The following MYB variants were observed in gnomAD, a reference collection of about 807,000 sequenced individuals.
MYB encodes transcriptional activator Myb.
A neutral mutation model predicts 92.9 loss-of-function variants in MYB; 28 were observed. That is an observed-to-expected ratio of 0.30 (90% CI 0.22 to 0.41). The LOEUF (loss-of-function observed/expected upper bound fraction) is 0.41, where lower values mean the gene tolerates loss of function less well. MYB is among the 10% of genes least tolerant of loss of function. The probability of loss-of-function intolerance (pLI) is 1.00; values close to 1 mark genes in which losing one functional copy is unlikely to be tolerated. For synonymous variants in MYB, 295 were observed against 329.1 expected (o/e 0.90, Z 1.12); for missense variants, 679 against 929.3 (o/e 0.73, Z 3.50).
At chr6:135,211,875 T>C (rs1339799290) in intron 15 of MYB, among the ~76,000 whole-genome samples, 1 of 152,232 alleles carries the variant, frequency 6.6e-6, no homozygotes, top group Non-Finnish European at 1.5e-5. Context: ...AGTCATTTAA[T>C]TGATTTGTGC....
chr6:135,195,719 T>G lies in MYB; in HGVS notation c.949-29T>G, dbSNP rs200484291. ...CTTCTCCCTTTCTTCTGTCCTCTCT[T>G]TATTTCTACACCCTTCCCCCTTCCT... On this transcript the variant is annotated intron_variant, in intron 8 of 15. Coordinates refer to ENST00000341911, the MANE Select transcript of MYB (RefSeq NM_001130173.2). 2.2e-5 allele frequency: 36 copies of G among 1,609,986 alleles called. No individual in the cohort carries two copies. In the East Asian group the frequency reaches 5.1e-4, roughly 23 times the overall value.
chr6:135,213,930 G>A (rs1248357601), intron 15 of MYB, among the ~76,000 whole-genome samples: 3 of 152,048 alleles, frequency 2.0e-5, no homozygotes, highest in Non-Finnish European at 4.4e-5. Context: ...CATAGTAATA[G>A]CAAGCATAAG....
intron 15 of MYB, among the ~76,000 whole-genome samples, chr6:135,205,466 C>A (rs1391512884): frequency 1.3e-5 from 2 of 152,134 alleles, no homozygotes; most frequent in African/African-American, 4.8e-5. Context: ...TAAGTTGAAA[C>A]CCATAGTTCA....
intron 15 of MYB, among the ~76,000 whole-genome samples, chr6:135,217,429 A>G (rs1330990006): frequency 6.6e-6 from 1 of 152,216 alleles, no homozygotes; most frequent in Non-Finnish European, 1.5e-5. Flanking sequence ...AATTGATGAA[A>G]ACATATATAT....
intron 15 of MYB, among the ~76,000 whole-genome samples, chr6:135,207,634 G>A (rs1779118271): frequency 6.6e-6 from 1 of 151,740 alleles, no homozygotes; most frequent in African/African-American, 2.4e-5. Context: ...GAAGCTATGT[G>A]TTTGACATTT....
chr6:135,181,535 A>G lies in MYB; in HGVS notation c.22A>G (p.Ser8Gly). ...CGCCATGGCCCGAAGACCCCGGCAC[A>G]GGTAACGGGGAGCCGGGCGGGCGGC... MARRPRHSIYSSDEDDED... is the reference protein window; with the variant it reads MARRPRHGIYSSDEDDED... The change falls in exon 1 of 16, where the codon AGC becomes GGC. Residue 8 changes from serine to glycine, a missense_variant and splice_region_variant. This residue lies in a region of MYB where 88 missense variants were observed against 145.6 expected (regional missense o/e 0.60). Transcript: ENST00000341911. The surrounding 1 kb of genome is among the most constrained non-coding windows in gnomAD (Gnocchi z 5.3). The G allele has an allele frequency of 8.6e-7, 1 of 1,164,912 alleles. No homozygotes were observed. The highest frequency in any genetic ancestry group is 1.1e-6 in the Non-Finnish European group (1 of 945,064). The allele number at this position is 1,164,912 out of a possible 1,614,324, so 72.2% of individuals were successfully genotyped here. A position where few individuals can be genotyped will look rare whatever the true frequency, so the allele number is the denominator to read the frequency against.
At position 135,195,853 on chromosome 6, in the gene MYB, C is replaced by A; in HGVS notation, c.1054C>A (p.His352Asn). 9.3e-6 allele frequency: 15 copies of A among 1,614,130 alleles called. No homozygotes were observed. Among genetic ancestry groups the A allele is most frequent in the Non-Finnish European group, 1.3e-5 (15 of 1,180,022 alleles). ...ACCTGTTTCCTGTTTGGGAGAACAC[C>A]ACTCCACTCCATCTCTGCCAGCGGA... ...SAPVSCLGEH[H>N]STPSLPADPG... The change falls in exon 9 of 16, where the codon CAC becomes AAC. Residue 352 changes from histidine to asparagine, a missense_variant. This residue lies in a region of MYB where 56 missense variants were observed against 55.8 expected (regional missense o/e 1.00). Coordinates refer to ENST00000341911, the MANE Select transcript of MYB (RefSeq NM_001130173.2).
At position 135,201,701 on chromosome 6, in the gene MYB, T is replaced by A. The variant is rs750000035; in HGVS notation, c.2013T>A (p.Ser671Arg). 1 of 1,583,160 alleles carries A rather than the reference T, an allele frequency of 6.3e-7. No homozygotes were observed. Among genetic ancestry groups the A allele is most frequent in the African/African-American group, 1.4e-5 (1 of 73,660 alleles). The change falls in exon 14 of 16, where the codon AGT (serine) becomes AGA (arginine). Residue 671 changes from serine to arginine, a missense_variant. Ser to Arg is a moderately radical substitution (Grantham distance 110). Transcript: ENST00000341911. The stretch of plus-strand genomic sequence containing the variant: ...GCTCACACCACTGGGAAGGGGACAG[T>A]CTGAATACCCAACTGTTCACGCAGA... Reference protein sequence around the residue: ...FFCSHHWEGDSLNTQLFTQTS... With the variant: ...FFCSHHWEGDRLNTQLFTQTS...
chr6:135,183,164 G>T (rs1775380321), intron 1 of MYB, among the ~76,000 whole-genome samples: 1 of 151,952 alleles, frequency 6.6e-6, no homozygotes, highest in Non-Finnish European at 1.5e-5. Flanking sequence ...GCTCCAGGTA[G>T]CCCAGAGGGG....
chr6:135,184,025 G>A (rs1775552594), intron 1 of MYB, among the ~76,000 whole-genome samples: 1 of 152,174 alleles, frequency 6.6e-6, no homozygotes, highest in Admixed American at 6.5e-5. Context: ...CTCACCTGAC[G>A]TTGGCTGCCC....
intron 13 of MYB, among the ~76,000 whole-genome samples, 182 bp from the exon 14 acceptor site, chr6:135,201,455 ATT>A (rs1778078335): frequency 1.3e-5 from 2 of 152,252 alleles, no homozygotes; most frequent in African/African-American, 4.8e-5. Context: ...AGCTAGTCAC[ATT>A]TCAAATTTGC....
chr6:135,194,469 GTCA>G lies in MYB; in HGVS notation c.948+14_948+16del. On this transcript the variant is annotated intron_variant, in intron 8 of 15. Coordinates refer to ENST00000341911, the MANE Select transcript of MYB (RefSeq NM_001130173.2). ...GACAGCAGGTGCTACCAGTAAGACTGTCATCATGTGCTTGAATGAGGGGATAGC... is the reference window on the plus strand; with the variant it reads ...GACAGCAGGTGCTACCAGTAAGACTGTCATGTGCTTGAATGAGGGGATAGC... 6.3e-7 allele frequency: 1 copy of G among 1,591,424 alleles called. No individual in the cohort carries two copies. The highest frequency in any genetic ancestry group is 1.7e-5 in the Admixed American group (1 of 59,110).
chr6:135,206,601 CAGG>C (rs1778976418), intron 15 of MYB, among the ~76,000 whole-genome samples: 1 of 152,124 alleles, frequency 6.6e-6, no homozygotes, highest in Non-Finnish European at 1.5e-5. Flanking sequence ...GAGGCTGCGG[CAGG>C]AGAATTGCTT....
At chr6:135,184,422 C>G in intron 1 of MYB, among the ~76,000 whole-genome samples, 1 of 139,438 alleles carries the variant, frequency 7.2e-6, no homozygotes, top group East Asian at 2.3e-4. Context: ...ACAGTGGAAA[C>G]AGAACTAGGC....
chr6:135,196,076 A>G lies in MYB; in HGVS notation c.1203+74A>G, dbSNP rs180882886. ...AAAACCCATTTCTTAAATCATTGCC[A>G]TTTTCTATAGCCAAGCTGTTATTAG... On this transcript the variant is annotated intron_variant, in intron 9 of 15. Transcript: ENST00000341911. 2.7e-5 allele frequency: 40 copies of G among 1,464,848 alleles called. No homozygotes were observed. In the East Asian group the frequency reaches 8.5e-4, roughly 31 times the overall value. The allele number at this position is 1,464,848 out of a possible 1,614,324, so 90.7% of individuals were successfully genotyped here. A position where few individuals can be genotyped will look rare whatever the true frequency, so the allele number is the denominator to read the frequency against.
intron 15 of MYB, among the ~76,000 whole-genome samples, chr6:135,206,888 T>G (rs1053453396): frequency 6.6e-6 from 1 of 152,230 alleles, no homozygotes; most frequent in Non-Finnish European, 1.5e-5. Context: ...CACAGAAATA[T>G]GTGATTTCTA....
In MYB at chr6:135,203,813, T is replaced by C; in HGVS notation, c.2169+489T>C. 2.3e-6 allele frequency: 3 copies of C among 1,283,222 alleles called. No homozygotes were observed. The South Asian group carries it at 3.9e-5, about 17-fold the overall frequency. 79.5% of individuals were successfully genotyped at this position (1,283,222 alleles called of 1,614,324 possible). On this transcript the variant is annotated intron_variant, in intron 15 of 15. Coordinates refer to ENST00000341911, the MANE Select transcript of MYB (RefSeq NM_001130173.2). ...GTATTTGACTGTCAGAATAAGAAAGTCAACTGTCAATGTTGTGAGGCCGAT... is the reference window on the plus strand; with the variant it reads ...GTATTTGACTGTCAGAATAAGAAAGCCAACTGTCAATGTTGTGAGGCCGAT...
In MYB at chr6:135,187,852, C is replaced by A; in HGVS notation, c.160C>A (p.Leu54Met). The change falls in exon 3 of 16, where the codon CTG becomes ATG. Residue 54 changes from leucine to methionine, a missense_variant. Transcript: ENST00000341911. ...TREEDEKLKKLVEQNGTDDWK... is the reference protein window; with the variant it reads ...TREEDEKLKKMVEQNGTDDWK... ...GTCTTAGGATGAAAAACTGAAGAAG[C>A]TGGTGGAACAGAATGGAACAGATGA... 6.2e-7 allele frequency: 1 copy of A among 1,609,112 alleles called. No individual in the cohort carries two copies. Among genetic ancestry groups the A allele is most frequent in the Non-Finnish European group, 8.5e-7 (1 of 1,177,052 alleles).
intron 11 of MYB, chr6:135,199,420 G>T: frequency 3.1e-6 from 1 of 325,626 alleles, no homozygotes; most frequent in Non-Finnish European, 4.8e-6. Flanking sequence ...AACGAGTATG[G>T]TTTCTTACCT....
Sources: allele counts gnomAD v4.1 joint callset (sites outside exome capture counted in the v4.1 genomes callset), GRCh38; gene constraint gnomAD v4.1.1; regional missense constraint gnomAD v4.1.1; non-coding constraint Gnocchi (gnomAD v3.1); transcripts MANE v1.5; gene names NCBI Gene and HGNC (gene_info 2026-07-23, HGNC 2026-07-21).